HEATR6: variants seen among roughly 807,000 people sequenced by gnomAD.
HEATR6 encodes HEAT repeat-containing protein 6.
Under a neutral mutation model 132.8 loss-of-function variants are expected in HEATR6, and 106 were observed. The ratio of observed to expected loss-of-function variants is 0.80; its 90% CI spans 0.68 to 0.94. The LOEUF is 0.94. Ranked by LOEUF, HEATR6 falls within the 40% of genes least tolerant of loss-of-function variation. HEATR6 has a pLI of 0.00. For missense variants in HEATR6, 1,339 were observed against 1,425.1 expected (o/e 0.94, Z 0.97); for synonymous variants, 529 against 537.8 (o/e 0.98, Z 0.23).
chr17:60,045,249 G>A (rs1906324255), intron 19 of HEATR6, among the ~76,000 whole-genome samples: 1 of 152,170 alleles, frequency 6.6e-6, no homozygotes, highest in Non-Finnish European at 1.5e-5. Flanking sequence ...ACTCCCAGCT[G>A]ACTGGTCTGC....
chr17:60,050,874 G>C lies in HEATR6; in HGVS notation c.2393C>G (p.Ser798Cys). 1 of 1,614,214 alleles carries C rather than the reference G, an allele frequency of 6.2e-7. No individual in the cohort carries two copies. Among genetic ancestry groups the C allele is most frequent in the South Asian group, 1.1e-5 (1 of 91,086 alleles). Residue 798 changes from serine to cysteine, a missense_variant, in exon 15 of 20, where the codon TCC (serine) becomes TGC (cysteine). Transcript: ENST00000184956. ...LQASACDALS[S>C]ILPEAFSNLP... Reference sequence around the variant, plus strand: ...ATTGCTGAAGGCCTCTGGCAAGATGGAAGACAGGGCATCACAGGCGCTCGC... The same window carrying C: ...ATTGCTGAAGGCCTCTGGCAAGATGCAAGACAGGGCATCACAGGCGCTCGC...
rs1020463172 is a variant in HEATR6 at position 60,074,220 on chromosome 17, A to G, written c.328-334T>C. ...GAAATTTAATTAAACTGCCTTATAC[A>G]TAATAAACACTCAATGAATACACAG... is the stretch of plus-strand genomic sequence containing the variant. On this transcript the variant is annotated intron_variant, in intron 2 of 19. Transcript: ENST00000184956. 18 of 662,272 alleles carry G rather than the reference A, an allele frequency of 2.7e-5. No individual in the cohort carries two copies. In the East Asian group the frequency reaches 5.3e-4, roughly 20 times the overall value. The allele number at this position is 662,272 out of a possible 1,614,324, so 41.0% of individuals were successfully genotyped here.
At position 60,078,920 on chromosome 17, in the gene HEATR6, C is replaced by T; in HGVS notation, c.-6G>A. 1.7e-5 allele frequency: 1 copy of T among 57,726 alleles called. No homozygotes were observed. Among genetic ancestry groups the T allele is most frequent in the East Asian group, 5.7e-4 (1 of 1,762 alleles). The allele number at this position is 57,726 out of a possible 1,614,324, so 3.6% of individuals were successfully genotyped here. A position where few individuals can be genotyped will look rare whatever the true frequency, so the allele number is the denominator to read the frequency against. On this transcript the variant is annotated 5_prime_UTR_variant, in exon 1 of 20. Coordinates refer to ENST00000184956, the MANE Select transcript of HEATR6 (RefSeq NM_022070.5). ...ACAACTTGCACAGCAGCCATCTTTT[C>T]TACGGGCGGGGGGGGTGGGTGGGGT... is the stretch of plus-strand genomic sequence containing the variant.
At chr17:60,077,370 T>C (rs928482625) in intron 1 of HEATR6, among the ~76,000 whole-genome samples, 11 of 152,136 alleles carry the variant, frequency 7.2e-5, no homozygotes, top group African/African-American at 2.7e-4. Flanking sequence ...AACAGCAAGT[T>C]TTAAATGGCT....
At chr17:60,065,502 A>T (rs929025364) in intron 9 of HEATR6, among the ~76,000 whole-genome samples, 1 of 152,230 alleles carries the variant, frequency 6.6e-6, no homozygotes, top group African/African-American at 2.4e-5. Flanking sequence ...AATGTTCATT[A>T]TTGTAAACAG....
At chr17:60,077,166 T>C (rs900933516) in intron 1 of HEATR6, among the ~76,000 whole-genome samples, 5 of 152,052 alleles carry the variant, frequency 3.3e-5, no homozygotes, top group African/African-American at 1.2e-4. Flanking sequence ...AATCAAGTGC[T>C]GAAAGAATAA....
intron 1 of HEATR6, chr17:60,076,713 G>T (rs930936894): frequency 1.3e-5 from 2 of 150,584 alleles, no homozygotes; most frequent in Non-Finnish European, 2.9e-5. Flanking sequence ...TTAAAAAAAA[G>T]AAAAAAGAAA....
chr17:60,049,594 G>T lies in HEATR6; in HGVS notation c.2533C>A (p.Pro845Thr). 6.2e-7 allele frequency: 1 copy of T among 1,613,868 alleles called. No individual in the cohort carries two copies. Among genetic ancestry groups the T allele is most frequent in the Non-Finnish European group, 8.5e-7 (1 of 1,179,804 alleles). Residue 845 changes from proline (P) to threonine (T), a missense_variant, in exon 16 of 20, where the codon CCC (proline) becomes ACC (threonine). Physicochemically the swap from Pro to Thr is conservative, Grantham distance 38. Coordinates refer to ENST00000184956, the MANE Select transcript of HEATR6 (RefSeq NM_022070.5). ...SRALGVYVLF[P>T]CLRQDVIFVA... ...CTCACTCTGACCTGTCTGAGACAGGGAAAAAGCACATAGACTCCCAGGGCC... is the reference window on the plus strand; with the variant it reads ...CTCACTCTGACCTGTCTGAGACAGGTAAAAAGCACATAGACTCCCAGGGCC...
chr17:60,059,805 A>G, intron 10 of HEATR6, 85 bp downstream of exon 10: 1 of 988,146 alleles, frequency 1.0e-6, no homozygotes, highest in Non-Finnish European at 1.6e-6. Context: ...TATATTCTTA[A>G]GTCAAGTTAC....
At position 60,043,737 on chromosome 17, in the gene HEATR6, G is replaced by A. The variant is rs758429792; in HGVS notation, c.3372C>T (p.Ser1124=). Residue 1124 remains serine (S), a synonymous_variant, in exon 20 of 20, where the codon AGC becomes AGT. Coordinates refer to ENST00000184956, the MANE Select transcript of HEATR6 (RefSeq NM_022070.5). ...TGACCATCTGGTCTCTTTCCTGTGG[G>A]CTGTGGGGTGCTCCAGTGTCATCTC... is the stretch of plus-strand genomic sequence containing the variant. The part of the protein sequence containing the change: ...AEGDDTGAPH[S]PQERDQMVRM... The A allele has an allele frequency of 8.9e-5, 144 of 1,614,036 alleles. No homozygotes were observed. The highest frequency in any genetic ancestry group is 1.2e-4 in the Non-Finnish European group (140 of 1,180,040).
rs140665566 is a variant in HEATR6, at chr17:60,043,647, G to A, written c.3462C>T (p.Ile1154=). 1.9e-6 allele frequency: 3 copies of A among 1,614,068 alleles called. No individual in the cohort carries two copies. The highest frequency in any genetic ancestry group is 2.7e-5 in the African/African-American group (2 of 74,916). ...APTGDTARRA[I]MGFLEEILAV... is the part of the protein sequence containing the mutation. ...CCAGGATCTCTTCTAAAAAGCCCAT[G>A]ATGGCCCTTCTGGCTGTGTCTCCAG... The change falls in exon 20 of 20, where the codon ATC becomes ATT. Residue 1154 remains isoleucine, a synonymous_variant. Coordinates refer to ENST00000184956, the MANE Select transcript of HEATR6 (RefSeq NM_022070.5).
Position 60,076,188 on chromosome 17 carries a change from T to C in HEATR6, c.269A>G (p.Gln90Arg). The C allele has an allele frequency of 6.2e-7, 1 of 1,612,116 alleles. No individual in the cohort carries two copies. The highest frequency in any genetic ancestry group is 8.5e-7 in the Non-Finnish European group (1 of 1,179,648). Residue 90 changes from glutamine to arginine, a missense_variant, in exon 2 of 20, where the codon CAG (glutamine) becomes CGG (arginine). Physicochemically the swap from Gln to Arg is conservative, Grantham distance 43. Transcript: ENST00000184956. ...VQACRLVPLN[Q>R]NHLVSKVSQL... Reference sequence around the variant, plus strand: ...GCTCACTTTGCTGACAAGATGATTCTGATTAAGAGGTACCAGTCGGCAAGC... The same window carrying C: ...GCTCACTTTGCTGACAAGATGATTCCGATTAAGAGGTACCAGTCGGCAAGC...
chr17:60,060,957 G>A (rs1298352705), intron 9 of HEATR6, among the ~76,000 whole-genome samples: 1 of 152,182 alleles, frequency 6.6e-6, no homozygotes, highest in Admixed American at 6.5e-5. Flanking sequence ...TTATAAGGTT[G>A]AAAGATTACT....
At chr17:60,048,983 AATATATATATATATATATATAT>A (rs35114523) in intron 16 of HEATR6, among the ~76,000 whole-genome samples, 4 of 69,548 alleles carry the variant, frequency 5.8e-5, no homozygotes, top group East Asian at 4.1e-4. Flanking sequence ...ATATATATAT[AATATATATATATATATATATAT>A]ATATATATAT....
chr17:60,050,139 A>C (rs1446727738), intron 15 of HEATR6, among the ~76,000 whole-genome samples: 1 of 152,148 alleles, frequency 6.6e-6, no homozygotes, highest in Non-Finnish European at 1.5e-5. Flanking sequence ...AGATGAGGTC[A>C]TGGGAACAGA....
Position 60,043,803 on chromosome 17 carries a change from G to C in HEATR6, c.3306C>G (p.Val1102=). 6.2e-7 allele frequency: 1 copy of C among 1,614,138 alleles called. No individual in the cohort carries two copies. The highest frequency in any genetic ancestry group is 8.5e-7 in the Non-Finnish European group (1 of 1,180,000). The change falls in exon 20 of 20, where the codon GTC becomes GTG. Residue 1102 remains valine, a synonymous_variant. Transcript: ENST00000184956. ...KETLELSGNM[V]QSYILQFLKS... ...TTAAAAACTGTAGAATATAGGACTG[G>C]ACCATATTCCCACTCAGTTCAAGGG...
At chr17:60,062,373 G>T (rs2083216779) in intron 9 of HEATR6, among the ~76,000 whole-genome samples, 1 of 152,228 alleles carries the variant, frequency 6.6e-6, no homozygotes, top group Non-Finnish European at 1.5e-5. Flanking sequence ...CAGTCTTACA[G>T]AAGTCAGTGT....
chr17:60,072,566 G>A (rs1043780226), intron 4 of HEATR6, among the ~76,000 whole-genome samples: 2 of 152,148 alleles, frequency 1.3e-5, no homozygotes, highest in Admixed American at 6.5e-5. Context: ...AGAAGTTTGT[G>A]GTAGAAGAAC....
rs1360430892 is a variant in HEATR6 at position 60,042,404 on chromosome 17, G to A, written c.*1159C>T. Among the ~76,000 whole-genome samples, 13 of 139,636 alleles carry A rather than the reference G, an allele frequency of 9.3e-5. No individual in the cohort carries two copies. Among genetic ancestry groups the A allele is most frequent in the African/African-American group, 2.9e-4 (10 of 33,936 alleles). The allele number at this position is 139,636 out of a possible 152,430, so 91.6% of individuals were successfully genotyped here. ...CTGTCAGCATCCTCGCGTCCTGTGC[G>A]GCTGTGAGGCACTGTCAGCATCCTC... On this transcript the variant is annotated 3_prime_UTR_variant, in exon 20 of 20. Coordinates refer to ENST00000184956, the MANE Select transcript of HEATR6 (RefSeq NM_022070.5).
Sources: gnomAD v4.1 joint callset for allele counts (sites outside exome capture counted in the v4.1 genomes callset) on GRCh38, gnomAD v4.1.1 for gene constraint, MANE v1.5 for transcripts, NCBI Gene and HGNC (gene_info 2026-07-23, HGNC 2026-07-21) for gene names.